STK33: variants seen among roughly 807,000 people sequenced by gnomAD.
The protein encoded by STK33 is serine/threonine-protein kinase 33.
STK33 carries 52 observed loss-of-function variants against 58.0 expected under a neutral mutation model. The observed-to-expected ratio is 0.90, with a 90% CI of 0.72 to 1.13. The LOEUF (loss-of-function observed/expected upper bound fraction) is 1.13, where lower values mean the gene tolerates loss of function less well. Among genes scored for constraint, STK33 ranks in the 50% most tolerant of loss-of-function variants. The pLI, the probability that STK33 is intolerant of heterozygous loss-of-function variation, is 0.00. For missense variants in STK33, 630 were observed against 604.2 expected (o/e 1.04, Z -0.45); for synonymous variants, 215 against 200.1 (o/e 1.07, Z -0.63).
chr11:8,497,692 G>A (rs1175305405), intron 1 of STK33, among the ~76,000 whole-genome samples: 3 of 152,094 alleles, frequency 2.0e-5, no homozygotes, highest in African/African-American at 7.2e-5. Flanking sequence ...GAACTCCTGG[G>A]CTCAAGTGAT....
intron 1 of STK33, chr11:8,567,139 C>A (rs1957505575): frequency 6.6e-6 from 1 of 151,838 alleles, no homozygotes; most frequent in African/African-American, 2.4e-5. Flanking sequence ...GACCCTGTCT[C>A]AAAATAATAA....
chr11:8,375,311 G>C, the STK33 span, among the ~76,000 whole-genome samples: 1 of 152,176 alleles, frequency 6.6e-6, no homozygotes, highest in Non-Finnish European at 1.5e-5. Context: ...ATTTAAGGCA[G>C]GCATCCATAT....
intron 14 of STK33, among the ~76,000 whole-genome samples, chr11:8,417,208 T>C (rs1340571705): frequency 2.0e-5 from 3 of 152,118 alleles, no homozygotes; most frequent in African/African-American, 7.2e-5. Context: ...AAGAAAGCAG[T>C]AGCAATAGTT....
chr11:8,526,641 G>C (rs1954050661), intron 1 of STK33, among the ~76,000 whole-genome samples: 1 of 150,984 alleles, frequency 6.6e-6, no homozygotes, highest in Non-Finnish European at 1.5e-5. Flanking sequence ...GAATACGATG[G>C]TATATTCATT....
chr11:8,352,767 C>G, the STK33 span, among the ~76,000 whole-genome samples: 1 of 152,180 alleles, frequency 6.6e-6, no homozygotes, highest in Non-Finnish European at 1.5e-5. Context: ...AAGCCATCAT[C>G]AAGGCGTAAT....
At chr11:8,592,516 A>T (rs2032780781) in intron 1 of STK33, among the ~76,000 whole-genome samples, 1 of 152,202 alleles carries the variant, frequency 6.6e-6, no homozygotes, top group East Asian at 1.9e-4. Flanking sequence ...AATTGGCATA[A>T]TCTTTCTGAA....
At chr11:8,395,870 T>C (rs373634969) in intron 15 of STK33, among the ~76,000 whole-genome samples, 23 of 152,346 alleles carry the variant, frequency 1.5e-4, no homozygotes, top group African/African-American at 5.5e-4. Flanking sequence ...GATATCATCA[T>C]GTTGCCTTCC....
intron 8 of STK33, among the ~76,000 whole-genome samples, chr11:8,458,127 T>C (rs898781335): frequency 6.6e-6 from 1 of 152,132 alleles, no homozygotes; most frequent in Non-Finnish European, 1.5e-5. Context: ...ATATTACCAA[T>C]TGTGCATTTC....
intron 9 of STK33, among the ~76,000 whole-genome samples, 165 bp from the exon 10 acceptor site, chr11:8,454,997 A>C (rs918610621): frequency 3.9e-5 from 6 of 152,158 alleles, no homozygotes; most frequent in African/African-American, 7.2e-5. Context: ...TGCTTCCTCC[A>C]CATTTCTAAC....
At chr11:8,530,331 G>A (rs1306558174) in intron 1 of STK33, among the ~76,000 whole-genome samples, 2 of 151,922 alleles carry the variant, frequency 1.3e-5, no homozygotes, top group Non-Finnish European at 2.9e-5. Context: ...GAAACAGGAA[G>A]TAAAAGCACT....
intron 4 of STK33, chr11:8,475,626 T>C (rs1399977375): frequency 4.6e-5 from 7 of 152,212 alleles, no homozygotes; most frequent in African/African-American, 1.7e-4. Context: ...CATTTTTATA[T>C]TGAGCAAAAA....
At chr11:8,424,991 T>C (rs1205065280) in intron 14 of STK33, among the ~76,000 whole-genome samples, 1 of 137,972 alleles carries the variant, frequency 7.2e-6, no homozygotes, top group East Asian at 2.1e-4. Flanking sequence ...TCAGTTTAAT[T>C]AGATCCCATT....
At chr11:8,379,832 A>G in the STK33 span, among the ~76,000 whole-genome samples, 2 of 152,070 alleles carry the variant, frequency 1.3e-5, no homozygotes, top group African/African-American at 4.8e-5. Flanking sequence ...TGTGCTATCC[A>G]TAAGTCCTCA....
rs940133933 is a variant in STK33 at position 8,439,740 on chromosome 11, C to T, written c.947+938G>A. Among the ~76,000 whole-genome samples the T allele has an allele frequency of 3.3e-5, 5 of 151,512 alleles. No individual in the cohort carries two copies. The East Asian group carries it at 9.7e-4, about 29-fold the overall frequency. On this transcript the variant is annotated intron_variant, in intron 12 of 15. Coordinates refer to ENST00000687296, the MANE Select transcript of STK33 (RefSeq NM_001352389.2). ...CATATCCAGCCCCAAACTGGAAAGG[C>T]ATTCTGGAATCAGGTCATGAAAGAC...
intron 8 of STK33, among the ~76,000 whole-genome samples, chr11:8,460,848 C>T (rs1355519709): frequency 6.6e-6 from 1 of 152,186 alleles, no homozygotes; most frequent in Non-Finnish European, 1.5e-5. Context: ...TTGCCATATA[C>T]TGCTCTTATA....
intron 11 of STK33, among the ~76,000 whole-genome samples, chr11:8,441,813 T>C (rs1944780480): frequency 6.6e-6 from 1 of 152,188 alleles, no homozygotes; most frequent in Non-Finnish European, 1.5e-5. Context: ...CTTTAAAATT[T>C]ATACTTTTGC....
At chr11:8,494,509 G>A (rs1483413228) in intron 1 of STK33, among the ~76,000 whole-genome samples, 1 of 152,114 alleles carries the variant, frequency 6.6e-6, no homozygotes, top group Non-Finnish European at 1.5e-5. Flanking sequence ...TGTGAAAATG[G>A]CCATACTGCC....
intron 12 of STK33, among the ~76,000 whole-genome samples, chr11:8,437,063 A>G (rs548621077): frequency 1.1e-3 from 167 of 152,318 alleles, no homozygotes; most frequent in Non-Finnish European, 1.9e-3. Flanking sequence ...GACACAACTC[A>G]TCAAAAATTG....
chr11:8,487,941 A>G (rs1007493668), intron 1 of STK33, among the ~76,000 whole-genome samples: 1 of 152,242 alleles, frequency 6.6e-6, no homozygotes, highest in South Asian at 2.1e-4. Context: ...GTGGCATTTT[A>G]ACTTGCCTTA....
Sources: gnomAD v4.1 joint callset for allele counts (sites outside exome capture counted in the v4.1 genomes callset) on GRCh38, gnomAD v4.1.1 for gene constraint, MANE v1.5 for transcripts, NCBI Gene and HGNC (gene_info 2026-07-23, HGNC 2026-07-21) for gene names.